STAT3: variants seen among roughly 807,000 people sequenced by gnomAD.
STAT3 encodes the protein signal transducer and activator of transcription 3.
In STAT3, 7 loss-of-function variants were observed where a neutral mutation model predicts 114.3. The ratio of observed to expected loss-of-function variants is 0.06; its 90% CI spans 0.03 to 0.11. The LOEUF is 0.11. STAT3 is among the 10% of genes least tolerant of loss of function. The probability of loss-of-function intolerance (pLI) is 1.00; values close to 1 mark genes in which losing one functional copy is unlikely to be tolerated. For missense variants in STAT3, 364 were observed against 960.9 expected (o/e 0.38, Z 8.21); for synonymous variants, 331 against 354.5 (o/e 0.93, Z 0.74).
In STAT3 at chr17:42,322,543, A is replaced by T. The variant is rs1234464575; in HGVS notation, c.1889-49T>A. On this transcript the variant is annotated intron_variant, in intron 20 of 23. Coordinates refer to ENST00000264657, the MANE Select transcript of STAT3 (RefSeq NM_139276.3). ...AGATCATGGAACCTACAGCTAGGTC[A>T]TCTCAGAGAAAACTGCCCATTTTTT... 8.1e-6 allele frequency: 13 copies of T among 1,606,498 alleles called. 1 individual carries two copies. In the East Asian group the frequency reaches 1.3e-4, roughly 17 times the overall value.
rs1404499964 is a variant in STAT3, at chr17:42,315,573, T to C, written c.*172A>G. On this transcript the variant is annotated 3_prime_UTR_variant, in exon 24 of 24. Coordinates refer to ENST00000264657, the MANE Select transcript of STAT3 (RefSeq NM_139276.3). ...GATCACCCACATTCACTCATTTCTC[T>C]ATTTTTAAAAGTGCCCAGATTGCTC... 2.9e-6 allele frequency: 2 copies of C among 685,858 alleles called. No individual in the cohort carries two copies. The highest frequency in any genetic ancestry group is 5.2e-6 in the Non-Finnish European group (2 of 385,718). 42.5% of individuals were successfully genotyped at this position (685,858 alleles called of 1,614,324 possible). A position where few individuals can be genotyped will look rare whatever the true frequency, so the allele number is the denominator to read the frequency against.
At chr17:42,332,244 A>C (rs2082048737) in intron 10 of STAT3, among the ~76,000 whole-genome samples, 1 of 151,124 alleles carries the variant, frequency 6.6e-6, no homozygotes, top group African/African-American at 2.4e-5. Context: ...CTCTCTTTAA[A>C]AAAATTAAAA....
intron 1 of STAT3, among the ~76,000 whole-genome samples, chr17:42,355,972 C>T (rs78534826): frequency 0.061 from 9,253 of 152,176 alleles, 345 homozygotes; most frequent in Non-Finnish European, 0.074. Flanking sequence ...AACTTCTGTT[C>T]CACTTTGCAA....
intron 1 of STAT3, among the ~76,000 whole-genome samples, chr17:42,364,610 G>A (rs1324652172): frequency 6.6e-6 from 1 of 152,164 alleles, no homozygotes; most frequent in Non-Finnish European, 1.5e-5. Context: ...AGCCTCCCAA[G>A]TAGCTGGGAT....
rs193131596 is a variant in STAT3 at position 42,363,352 on chromosome 17, C to T, written c.-23-14813G>A. Among the ~76,000 whole-genome samples, 387 of 152,296 alleles carry T rather than the reference C, an allele frequency of 2.5e-3. 1 individual carries two copies. The highest frequency in any genetic ancestry group is 4.2e-3 in the Non-Finnish European group (284 of 68,026). On this transcript the variant is annotated intron_variant, in intron 1 of 23. Coordinates refer to ENST00000264657, the MANE Select transcript of STAT3 (RefSeq NM_139276.3). ...CCAGCTCAAAAACACACACTAACATCTCATTGTCCAATGCAAAATCTTTAC... is the reference window on the plus strand; with the variant it reads ...CCAGCTCAAAAACACACACTAACATTTCATTGTCCAATGCAAAATCTTTAC...
In STAT3 at chr17:42,315,584, G is replaced by C. The variant is rs1299790750; in HGVS notation, c.*161C>G. On this transcript the variant is annotated 3_prime_UTR_variant, in exon 24 of 24. Transcript: ENST00000264657. ...TTCACTCATTTCTCTATTTTTAAAA[G>C]TGCCCAGATTGCTCAAAGATAGCAG... 15 of 713,640 alleles carry C rather than the reference G, an allele frequency of 2.1e-5. No individual in the cohort carries two copies. Among genetic ancestry groups the C allele is most frequent in the Non-Finnish European group, 3.0e-5 (12 of 403,382 alleles). The allele number at this position is 713,640 out of a possible 1,614,324, so 44.2% of individuals were successfully genotyped here. A position where few individuals can be genotyped will look rare whatever the true frequency, so the allele number is the denominator to read the frequency against.
chr17:42,356,952 T>C (rs1348631701), intron 1 of STAT3, among the ~76,000 whole-genome samples: 5 of 152,100 alleles, frequency 3.3e-5, no homozygotes, highest in Admixed American at 2.6e-4. Flanking sequence ...CATACCCGGC[T>C]AATTTTTGTA....
intron 14 of STAT3, among the ~76,000 whole-genome samples, chr17:42,326,545 G>A (rs1345529260): frequency 1.3e-5 from 2 of 151,764 alleles, no homozygotes; most frequent in South Asian, 2.1e-4. Context: ...AAGGCTGAGC[G>A]TGATGGCTCA....
intron 4 of STAT3, among the ~76,000 whole-genome samples, chr17:42,342,144 C>T (rs2082467933): frequency 6.6e-6 from 1 of 152,082 alleles, no homozygotes; most frequent in Non-Finnish European, 1.5e-5. Flanking sequence ...GTAAGTGTTA[C>T]CTACCACCTC....
intron 14 of STAT3, among the ~76,000 whole-genome samples, chr17:42,328,682 G>A (rs1050863429): frequency 4.6e-5 from 7 of 152,164 alleles, no homozygotes; most frequent in Non-Finnish European, 7.3e-5. Context: ...TACGGGGTGT[G>A]AGCCAGCACG....
intron 1 of STAT3, chr17:42,387,751 C>G (rs1416408429): frequency 6.5e-6 from 1 of 152,688 alleles, no homozygotes; most frequent in Admixed American, 6.5e-5. Flanking sequence ...ACCAGCCAGC[C>G]CGTAAGGCTG....
chr17:42,324,969 A>G lies in STAT3; in HGVS notation c.1458T>C (p.Asn486=). 6.2e-7 allele frequency: 1 copy of G among 1,614,156 alleles called. No individual in the cohort carries two copies. Among genetic ancestry groups the G allele is most frequent in the Non-Finnish European group, 8.5e-7 (1 of 1,180,022 alleles). The change falls in exon 16 of 24, where the codon AAT becomes AAC. Residue 486 remains asparagine, a synonymous_variant. Coordinates refer to ENST00000264657, the MANE Select transcript of STAT3 (RefSeq NM_139276.3). The surrounding 1 kb of genome is among the most constrained non-coding windows in gnomAD (Gnocchi z 4.5). Reference sequence around the variant, plus strand: ...AAAAGGAGGGGGCACTAACCTTGGGATTGTTGGTCAGCATGTTGTACCACA... The same window carrying G: ...AAAAGGAGGGGGCACTAACCTTGGGGTTGTTGGTCAGCATGTTGTACCACA... ...SILWYNMLTN[N]PKNVNFFTKP...
intron 8 of STAT3, among the ~76,000 whole-genome samples, chr17:42,335,426 A>G (rs879799008): frequency 6.6e-6 from 1 of 152,192 alleles, no homozygotes; most frequent in Non-Finnish European, 1.5e-5. Flanking sequence ...TCCTGGGTTC[A>G]AGTGATCCTC....
chr17:42,321,866 C>A (rs1418113518), intron 21 of STAT3, among the ~76,000 whole-genome samples: 1 of 152,186 alleles, frequency 6.6e-6, no homozygotes, highest in Non-Finnish European at 1.5e-5. Flanking sequence ...CTCTATCAGC[C>A]AGGCTGGAGT....
At position 42,315,734 on chromosome 17, in the gene STAT3, T is replaced by C; in HGVS notation, c.*11A>G. 6.2e-7 allele frequency: 1 copy of C among 1,613,866 alleles called. No individual in the cohort carries two copies. ...CAGTCGTATCTTTCTGCAGCTTCCG[T>C]TCTCAGCTCCTCACATGGGGGAGGT... On this transcript the variant is annotated 3_prime_UTR_variant, in exon 24 of 24. Transcript: ENST00000264657.
chr17:42,329,260 C>G, intron 14 of STAT3, 150 bp downstream of exon 14: 1 of 1,103,580 alleles, frequency 9.1e-7, no homozygotes, highest in Non-Finnish European at 1.4e-6. Context: ...AACTTCTGTT[C>G]ATGTCACTTT....
chr17:42,334,668 C>A (rs1346356492), intron 8 of STAT3, among the ~76,000 whole-genome samples: 2 of 152,140 alleles, frequency 1.3e-5, no homozygotes, highest in African/African-American at 4.8e-5. Flanking sequence ...TGGTCTTGAA[C>A]TCCTGACCTC....
At chr17:42,340,635 T>G (rs987207264) in intron 4 of STAT3, among the ~76,000 whole-genome samples, 9 of 152,090 alleles carry the variant, frequency 5.9e-5, no homozygotes, top group Admixed American at 1.3e-4. Context: ...TACAGCCAGT[T>G]TTATGGGCAA....
At chr17:42,348,991 G>C (rs139679582) in intron 1 of STAT3, among the ~76,000 whole-genome samples, 1 of 151,976 alleles carries the variant, frequency 6.6e-6, no homozygotes, top group African/African-American at 2.4e-5. Context: ...TCAGCCTCCC[G>C]AGGAGCTGGG....
Sources: gnomAD v4.1 joint callset for allele counts (sites outside exome capture counted in the v4.1 genomes callset) on GRCh38, gnomAD v4.1.1 for gene constraint, Gnocchi (gnomAD v3.1) non-coding constraint, MANE v1.5 for transcripts, NCBI Gene and HGNC (gene_info 2026-07-23, HGNC 2026-07-21) for gene names.